Variants in TOPAZ1 observed in about 807,000 individuals in gnomAD.
TOPAZ1 encodes the protein testis and ovary specific TOPAZ 1, also known as protein TOPAZ1.
Under a neutral mutation model 172.2 loss-of-function variants are expected in TOPAZ1, and 66 were observed. The ratio of observed to expected loss-of-function variants is 0.38; its 90% CI spans 0.31 to 0.47. TOPAZ1 has a LOEUF of 0.47. TOPAZ1 is among the 20% of genes least tolerant of loss of function. TOPAZ1 has a pLI of 0.99. For missense variants in TOPAZ1, 1,822 were observed against 1,972.4 expected (o/e 0.92, Z 1.44); for synonymous variants, 681 against 683.9 (o/e 1.00, Z 0.07).
chr3:44,253,366 G>T (rs901887340), intron 2 of TOPAZ1, among the ~76,000 whole-genome samples: 7 of 152,182 alleles, frequency 4.6e-5, no homozygotes, highest in Non-Finnish European at 7.3e-5. Context: ...GGATAAACTG[G>T]CAGGGAGCTA....
chr3:44,336,032 T>C (rs1700720922), downstream of TOPAZ1, among the ~76,000 whole-genome samples: 1 of 152,196 alleles, frequency 6.6e-6, no homozygotes, highest in African/African-American at 2.4e-5. Context: ...TGTGTGGATA[T>C]TTGTGCTTTA....
chr3:44,324,718 A>G lies in TOPAZ1; in HGVS notation c.4675+1423A>G, dbSNP rs1432536204. Among the ~76,000 whole-genome samples, 3 of 152,174 alleles carry G rather than the reference A, an allele frequency of 2.0e-5. No homozygotes were observed. In the South Asian group the frequency reaches 6.2e-4, roughly 31 times the overall value. ...AAGTATACAAGTCAGTGGTTTTACTATATCTACAGAGTTGTGTAACCATCA... is the reference window on the plus strand; with the variant it reads ...AAGTATACAAGTCAGTGGTTTTACTGTATCTACAGAGTTGTGTAACCATCA... On this transcript the variant is annotated intron_variant, in intron 18 of 19. Transcript: ENST00000309765.
rs1700626785 is a variant in TOPAZ1 at position 44,328,414 on chromosome 3, C to T, written c.4840C>T (p.Leu1614=). 3 of 1,510,192 alleles carry T rather than the reference C, an allele frequency of 2.0e-6. No individual in the cohort carries two copies. Among genetic ancestry groups the T allele is most frequent in the Non-Finnish European group, 2.6e-6 (3 of 1,133,334 alleles). 93.5% of individuals were successfully genotyped at this position (1,510,192 alleles called of 1,614,324 possible). The change falls in exon 19 of 20, where the codon CTG becomes TTG. Residue 1614 remains leucine (L), a synonymous_variant. Coordinates refer to ENST00000309765, the MANE Select transcript of TOPAZ1 (RefSeq NM_001145030.2). The stretch of plus-strand genomic sequence containing the variant: ...GAGTCCTGGAACTTCTACACAGATA[C>T]TGCAGATAGTTTTGAAAAGGTTGGT... ...IQSPGTSTQI[L]QIVLKRCEDN...
intron 12 of TOPAZ1, among the ~76,000 whole-genome samples, chr3:44,298,188 G>A (rs931451447): frequency 3.9e-5 from 6 of 152,180 alleles, no homozygotes; most frequent in Admixed American, 6.5e-5. Flanking sequence ...AATAGGCTGG[G>A]TGCAGTGGCT....
intron 11 of TOPAZ1, among the ~76,000 whole-genome samples, chr3:44,288,860 A>G (rs754752557): frequency 2.6e-5 from 4 of 152,184 alleles, no homozygotes; most frequent in Non-Finnish European, 5.9e-5. Flanking sequence ...TTGCATGGCT[A>G]ATATGGAGCC....
intron 12 of TOPAZ1, among the ~76,000 whole-genome samples, chr3:44,294,009 G>A (rs7619532): frequency 0.48 from 72,197 of 151,624 alleles, 18,007 homozygotes; most frequent in East Asian, 0.8. Context: ...GGGAGGCTGA[G>A]GCAGGTGGAT....
chr3:44,297,742 C>T (rs1266051076), intron 12 of TOPAZ1, among the ~76,000 whole-genome samples: 4 of 115,860 alleles, frequency 3.5e-5, no homozygotes, highest in Non-Finnish European at 7.5e-5. Context: ...AAGGAATGTA[C>T]CAAAATTTAA....
At chr3:44,253,655 G>A (rs1297928967) in intron 2 of TOPAZ1, among the ~76,000 whole-genome samples, 1 of 152,160 alleles carries the variant, frequency 6.6e-6, no homozygotes, top group Non-Finnish European at 1.5e-5. Flanking sequence ...ATCTAGAAAG[G>A]TCCAGGTTAG....
chr3:44,252,617 T>G (rs1009688859), intron 2 of TOPAZ1, among the ~76,000 whole-genome samples: 2 of 152,238 alleles, frequency 1.3e-5, no homozygotes, highest in African/African-American at 4.8e-5. Flanking sequence ...CAATGCACCA[T>G]GTACTTTAGG....
rs1222231680 is a variant in TOPAZ1 at position 44,269,899 on chromosome 3, C to T, written c.3246+598C>T. 2.6e-5 allele frequency among the ~76,000 whole-genome samples: 4 copies of T among 152,056 alleles called. No individual in the cohort carries two copies. In the East Asian group the frequency reaches 7.7e-4, roughly 29 times the overall value. ...CCTTCCTTGGGCTCCCAAAGGATTACGGGCGTGAGCCACTGTGCCCAGCCT... is the reference window on the plus strand; with the variant it reads ...CCTTCCTTGGGCTCCCAAAGGATTATGGGCGTGAGCCACTGTGCCCAGCCT... On this transcript the variant is annotated intron_variant, in intron 7 of 19. Transcript: ENST00000309765.
chr3:44,328,481 C>A, intron 19 of TOPAZ1, 48 bp downstream of exon 19: 1 of 1,010,490 alleles, frequency 9.9e-7, no homozygotes, highest in Non-Finnish European at 1.4e-6. Flanking sequence ...ATCATGACTC[C>A]CCACACCCAC....
chr3:44,259,132 G>A (rs1699747407), intron 4 of TOPAZ1, among the ~76,000 whole-genome samples: 2 of 152,074 alleles, frequency 1.3e-5, no homozygotes, highest in South Asian at 4.1e-4. Context: ...TGTTAGTAGG[G>A]CAAATTGTTG....
chr3:44,249,734 T>C (rs1353497499), intron 2 of TOPAZ1, among the ~76,000 whole-genome samples: 1 of 152,214 alleles, frequency 6.6e-6, no homozygotes, highest in Non-Finnish European at 1.5e-5. Context: ...TATTTGAGAA[T>C]ATCGCAGGCC....
intron 5 of TOPAZ1, among the ~76,000 whole-genome samples, chr3:44,265,550 C>T (rs1220204691): frequency 6.6e-6 from 1 of 152,090 alleles, no homozygotes; most frequent in Non-Finnish European, 1.5e-5. Context: ...AGCAAGACTC[C>T]ATCTCAAAAA....
chr3:44,323,000 T>G, intron 17 of TOPAZ1, 92 bp from the exon 18 acceptor site: 1 of 776,350 alleles, frequency 1.3e-6, no homozygotes, highest in Non-Finnish European at 2.0e-6. Context: ...TAAGAAAGGG[T>G]GAAGGGGAGG....
intron 6 of TOPAZ1, 53 bp downstream of exon 6, chr3:44,267,189 T>A: frequency 2.2e-6 from 3 of 1,369,898 alleles, no homozygotes; most frequent in Non-Finnish European, 2.9e-6. Flanking sequence ...ATATAGAAAC[T>A]AGGAGATTTT....
chr3:44,321,322 G>A (rs1203181941), intron 17 of TOPAZ1, 131 bp downstream of exon 17: 2 of 625,762 alleles, frequency 3.2e-6, no homozygotes, highest in Non-Finnish European at 5.1e-6. Flanking sequence ...GTAGTTTTCT[G>A]TAAAATATGT....
At position 44,331,821 on chromosome 3, in the gene TOPAZ1, A is replaced by G; in HGVS notation, c.4889A>G (p.Asp1630Gly). ...RCEDNQSRSN[D>G]DYQAAVERLI... ...GAAGACAACCAGTCTCGGAGCAATG[A>G]TGATTATCAAGCTGCAGTAGAAAGG... is the stretch of plus-strand genomic sequence containing the variant. The change falls in exon 20 of 20, where the codon GAT (aspartate) becomes GGT (glycine). Residue 1630 changes from aspartate (D) to glycine (G), a missense_variant. Asp to Gly is a moderately conservative substitution (Grantham distance 94, BLOSUM62 -1). Coordinates refer to ENST00000309765, the MANE Select transcript of TOPAZ1 (RefSeq NM_001145030.2). 1 of 1,552,128 alleles carries G rather than the reference A, an allele frequency of 6.4e-7. No individual in the cohort carries two copies. Among genetic ancestry groups the G allele is most frequent in the Non-Finnish European group, 8.7e-7 (1 of 1,147,072 alleles).
chr3:44,323,406 C>CCCT, intron 18 of TOPAZ1, 111 bp downstream of exon 18: 1 of 627,208 alleles, frequency 1.6e-6, no homozygotes, highest in Non-Finnish European at 2.5e-6. Context: ...AGCAGTAATA[C>CCCT]ATATTCAAAT....
Sources: gnomAD v4.1 joint callset for allele counts (sites outside exome capture counted in the v4.1 genomes callset) on GRCh38, gnomAD v4.1.1 for gene constraint, MANE v1.5 for transcripts, NCBI Gene and HGNC (gene_info 2026-07-23, HGNC 2026-07-21) for gene names.